Variants in RSU1 observed in about 807,000 individuals in gnomAD.
RSU1 encodes the protein Ras suppressor protein 1, also known as rsu-1.
In RSU1, 26 loss-of-function variants were observed where a neutral mutation model predicts 31.1. That is an observed-to-expected ratio of 0.84 (90% CI 0.61 to 1.16). The LOEUF (loss-of-function observed/expected upper bound fraction) is 1.16. Among genes scored for constraint, RSU1 ranks in the 50% most tolerant of loss-of-function variants. The pLI, the probability that RSU1 is intolerant of heterozygous loss-of-function variation, is 0.00. For missense variants in RSU1, 320 were observed against 339.1 expected (o/e 0.94, Z 0.44); for synonymous variants, 164 against 136.3 (o/e 1.20, Z -1.41).
intron 7 of RSU1, among the ~76,000 whole-genome samples, chr10:16,709,669 C>G (rs1415196289): frequency 1.3e-5 from 2 of 152,158 alleles, no homozygotes; most frequent in African/African-American, 2.4e-5. Flanking sequence ...TGTTTCCTGA[C>G]TTTTTAACGA....
chr10:16,726,632 C>T (rs1836402221), intron 7 of RSU1, among the ~76,000 whole-genome samples: 3 of 152,126 alleles, frequency 2.0e-5, no homozygotes. Flanking sequence ...GGGAATTTGA[C>T]TGAAATGTTT....
rs923872481 is a variant in RSU1, at chr10:16,752,212, C to T, written c.598+327G>A. On this transcript the variant is annotated intron_variant, in intron 7 of 8. Transcript: ENST00000345264. ...CCAACCAAGACCCAGAAAGCTTACC[C>T]AGCTAGTCAATGAGGAGCCAGGGAT... Among the ~76,000 whole-genome samples, 24 of 152,300 alleles carry T rather than the reference C, an allele frequency of 1.6e-4. No homozygotes were observed. In the Middle Eastern group the frequency reaches 0.01, roughly 65 times the overall value.
Position 16,682,309 on chromosome 10 carries a change from T to C in RSU1, c.731+12714A>G, listed in dbSNP as rs1835340702. ...GCACTCCCAGGCAGCTAGGCATTCC[T>C]AGCCTCTAAATGCTTATAGTTACGG... is the stretch of plus-strand genomic sequence containing the variant. On this transcript the variant is annotated intron_variant, in intron 8 of 8. Coordinates refer to ENST00000345264, the MANE Select transcript of RSU1 (RefSeq NM_012425.4). Among the ~76,000 whole-genome samples the C allele has an allele frequency of 2.6e-5, 4 of 152,156 alleles. No homozygotes were observed. In the South Asian group the frequency reaches 8.3e-4, roughly 32 times the overall value.
intron 4 of RSU1, among the ~76,000 whole-genome samples, chr10:16,759,270 C>A (rs1290021287): frequency 1.3e-5 from 2 of 152,132 alleles, no homozygotes; most frequent in Non-Finnish European, 2.9e-5. Context: ...AAGGCCAGCA[C>A]AGGCAGATTG....
intron 2 of RSU1, among the ~76,000 whole-genome samples, chr10:16,793,853 G>A (rs969022944): frequency 2.0e-5 from 3 of 151,340 alleles, no homozygotes; most frequent in South Asian, 2.1e-4. Context: ...ACTGGGCTAC[G>A]AGATACCCAG....
At chr10:16,724,661 A>T (rs1836347775) in intron 7 of RSU1, among the ~76,000 whole-genome samples, 1 of 152,196 alleles carries the variant, frequency 6.6e-6, no homozygotes, top group Admixed American at 6.5e-5. Flanking sequence ...TCCGAGAAGG[A>T]GGTGACAGGA....
rs116935137 is a variant in RSU1 at position 16,639,438 on chromosome 10, G to A, written c.732-45942C>T. On this transcript the variant is annotated intron_variant, in intron 8 of 8. Coordinates refer to ENST00000345264, the MANE Select transcript of RSU1 (RefSeq NM_012425.4). Reference sequence around the variant, plus strand: ...TTGTAATAAAGAACCTTTTATCTCTGTTCTAAGGCAATCCTATTGATTAGT... The same window carrying A: ...TTGTAATAAAGAACCTTTTATCTCTATTCTAAGGCAATCCTATTGATTAGT... Among the ~76,000 whole-genome samples, 213 of 152,270 alleles carry A rather than the reference G, an allele frequency of 1.4e-3. 2 individuals are homozygous for A. In the East Asian group the frequency reaches 0.034, roughly 25 times the overall value.
At chr10:16,770,700 G>A (rs1332650182) in intron 3 of RSU1, among the ~76,000 whole-genome samples, 1 of 152,212 alleles carries the variant, frequency 6.6e-6, no homozygotes, top group South Asian at 2.1e-4. Flanking sequence ...TACAGCAAGG[G>A]GATGAAGAGG....
At chr10:16,617,515 G>C (rs1169719749) in intron 8 of RSU1, among the ~76,000 whole-genome samples, 1 of 152,140 alleles carries the variant, frequency 6.6e-6, no homozygotes, top group African/African-American at 2.4e-5. Flanking sequence ...CCAAAAAAGA[G>C]CCCATATAGC....
chr10:16,737,695 C>T (rs918251521), intron 7 of RSU1, among the ~76,000 whole-genome samples: 18 of 151,662 alleles, frequency 1.2e-4, no homozygotes, highest in African/African-American at 3.6e-4. Context: ...AATAGAGAAG[C>T]GGCAGTCAAT....
chr10:16,813,831 C>A (rs897793156), intron 2 of RSU1, among the ~76,000 whole-genome samples: 1 of 152,204 alleles, frequency 6.6e-6, no homozygotes, highest in African/African-American at 2.4e-5. Context: ...TTTTCCCCAT[C>A]AGAAAGTTCT....
At chr10:16,634,481 A>T (rs913883009) in intron 8 of RSU1, among the ~76,000 whole-genome samples, 1 of 152,358 alleles carries the variant, frequency 6.6e-6, no homozygotes, top group Non-Finnish European at 1.5e-5. Context: ...TTTACACACG[A>T]GTAGAGTCCT....
chr10:16,705,176 T>C (rs1835871792), intron 7 of RSU1, among the ~76,000 whole-genome samples: 1 of 152,186 alleles, frequency 6.6e-6, no homozygotes. Context: ...TCAAGGTTCA[T>C]CCATGTTGTA....
intron 7 of RSU1, among the ~76,000 whole-genome samples, chr10:16,718,097 T>TTAA (rs1554768707): frequency 2.9e-5 from 4 of 136,202 alleles, no homozygotes; most frequent in Admixed American, 7.3e-5. Context: ...TCAATTTATT[T>TTAA]AAAAAAAAAA....
intron 2 of RSU1, among the ~76,000 whole-genome samples, chr10:16,791,399 C>T (rs758412832): frequency 5.3e-5 from 8 of 151,982 alleles, no homozygotes; most frequent in Admixed American, 3.3e-4. Context: ...TTTCGGAGGC[C>T]GAGGTGGGCA....
At chr10:16,730,062 T>G (rs539109378) in intron 7 of RSU1, among the ~76,000 whole-genome samples, 7 of 152,224 alleles carry the variant, frequency 4.6e-5, no homozygotes, top group South Asian at 2.1e-4. Context: ...AAGCTTCCGC[T>G]CAAGGCAGAA....
At chr10:16,616,394 A>C (rs1488410465) in intron 8 of RSU1, among the ~76,000 whole-genome samples, 1 of 147,630 alleles carries the variant, frequency 6.8e-6, no homozygotes, top group Non-Finnish European at 1.5e-5. Context: ...AAAAAAAAAA[A>C]ACCCCAGGAC....
At chr10:16,626,784 T>G (rs1335291518) in intron 8 of RSU1, among the ~76,000 whole-genome samples, 2 of 152,178 alleles carry the variant, frequency 1.3e-5, no homozygotes, top group East Asian at 3.8e-4. Context: ...TCATGATCGA[T>G]CTCATGTATG....
At chr10:16,669,591 GTTTGT>G (rs1835070103) in intron 8 of RSU1, among the ~76,000 whole-genome samples, 1 of 151,590 alleles carries the variant, frequency 6.6e-6, no homozygotes, top group East Asian at 1.9e-4. Flanking sequence ...TCTTTTTTTT[GTTTGT>G]TTTATGTGTG....
Sources: allele counts gnomAD v4.1 joint callset (sites outside exome capture counted in the v4.1 genomes callset), GRCh38; gene constraint gnomAD v4.1.1; transcripts MANE v1.5; gene names NCBI Gene and HGNC (gene_info 2026-07-23, HGNC 2026-07-21).